Variants in NLK observed in about 807,000 individuals in gnomAD.
The protein encoded by NLK is nemo like kinase.
In NLK, 11 loss-of-function variants were observed where a neutral mutation model predicts 59.0. The ratio of observed to expected loss-of-function variants is 0.19; its 90% CI spans 0.12 to 0.31. The LOEUF is 0.31. Ranked by LOEUF, NLK falls within the 10% of genes least tolerant of loss-of-function variation. The pLI, the probability that NLK is intolerant of heterozygous loss-of-function variation, is 1.00. For synonymous variants in NLK, 235 were observed against 235.9 expected, an observed-to-expected ratio of 1.00 and a Z score of 0.03; for missense variants, 410 against 661.1, an observed-to-expected ratio of 0.62 and a Z score of 4.16.
At chr17:28,146,036 T>G (rs1018929954) in intron 3 of NLK, among the ~76,000 whole-genome samples, 3 of 152,216 alleles carry the variant, frequency 2.0e-5, no homozygotes, top group Non-Finnish European at 4.4e-5. Flanking sequence ...GTTGCCAGTT[T>G]CTTTGTTCCT....
Position 28,042,962 on chromosome 17 carries a change from A to G in NLK, c.89A>G (p.His30Arg). The G allele has an allele frequency of 6.4e-7, 1 of 1,551,888 alleles. No homozygotes were observed. The highest frequency in any genetic ancestry group is 8.7e-7 in the Non-Finnish European group (1 of 1,147,730). ...GCAGCAGCAGCAGGTCACCACCACC[A>G]CCATCACCACCACCTTCCACACCTC... ...TSAAAAGHHHHHHHHLPHLPP... is the reference protein window; with the variant it reads ...TSAAAAGHHHRHHHHLPHLPP... The change falls in exon 1 of 11, where the codon CAC becomes CGC. Residue 30 changes from histidine to arginine, a missense_variant. His to Arg is a conservative substitution (Grantham distance 29). This residue lies in a region of NLK where 160 missense variants were observed against 171.0 expected (regional missense o/e 0.94). Transcript: ENST00000407008.
intron 1 of NLK, among the ~76,000 whole-genome samples, chr17:28,073,328 C>T (rs1910068491): frequency 6.6e-6 from 1 of 152,190 alleles, no homozygotes; most frequent in South Asian, 2.1e-4. Context: ...AATCCAGTCT[C>T]CTGGGAAGGG....
At chr17:28,135,443 C>G (rs1169898830) in intron 3 of NLK, among the ~76,000 whole-genome samples, 1 of 152,184 alleles carries the variant, frequency 6.6e-6, no homozygotes, top group African/African-American at 2.4e-5. Context: ...GCCCAAGGCC[C>G]CAGACAAAGA....
At chr17:28,079,579 G>A (rs1210513466) in intron 1 of NLK, among the ~76,000 whole-genome samples, 1 of 151,978 alleles carries the variant, frequency 6.6e-6, no homozygotes, top group Non-Finnish European at 1.5e-5. Flanking sequence ...ACCTCATTGT[G>A]GTTTTCATTT....
intron 1 of NLK, chr17:28,116,333 G>T: frequency 5.0e-6 from 1 of 201,782 alleles, no homozygotes; most frequent in Admixed American, 4.4e-5. Flanking sequence ...ATGCTGGTTT[G>T]AGCAGACGCA....
At position 28,042,762 on chromosome 17, in the gene NLK, G is replaced by T; in HGVS notation, c.-112G>T. 1.0e-6 allele frequency: 1 copy of T among 959,850 alleles called. No individual in the cohort carries two copies. The highest frequency in any genetic ancestry group is 1.9e-5 in the South Asian group (1 of 53,160). 59.5% of individuals were successfully genotyped at this position (959,850 alleles called of 1,614,324 possible). A position where few individuals can be genotyped will look rare whatever the true frequency, so the allele number is the denominator to read the frequency against. On this transcript the variant is annotated 5_prime_UTR_variant, in exon 1 of 11. Coordinates refer to ENST00000407008, the MANE Select transcript of NLK (RefSeq NM_016231.5). ...TAACTTGTTTGGATTGACTGATGAA[G>T]ACATAAAGCTCTATGTTTTTTGAGG...
chr17:28,183,743 T>C (rs1909006140), intron 7 of NLK, among the ~76,000 whole-genome samples: 13 of 152,092 alleles, frequency 8.5e-5, no homozygotes, highest in Admixed American at 8.5e-4. Flanking sequence ...ATTAGGAAAA[T>C]CATTTACCCC....
chr17:28,101,002 G>A (rs570678251), intron 1 of NLK, among the ~76,000 whole-genome samples: 7 of 152,098 alleles, frequency 4.6e-5, no homozygotes, highest in African/African-American at 1.7e-4. Flanking sequence ...TCTCCATGTG[G>A]ATATCCTATT....
intron 2 of NLK, among the ~76,000 whole-genome samples, chr17:28,125,664 G>T (rs1480810654): frequency 6.6e-6 from 1 of 151,894 alleles, no homozygotes; most frequent in Non-Finnish European, 1.5e-5. Flanking sequence ...AGGATCTCAG[G>T]GCCAGCATAA....
At chr17:28,110,883 C>T (rs867947116) in intron 1 of NLK, among the ~76,000 whole-genome samples, 4 of 151,106 alleles carry the variant, frequency 2.6e-5, no homozygotes, top group East Asian at 1.9e-4. Flanking sequence ...CTCGCTCTGT[C>T]GCCCAGGCTG....
At chr17:28,066,986 C>T (rs946213268) in intron 1 of NLK, among the ~76,000 whole-genome samples, 1 of 152,062 alleles carries the variant, frequency 6.6e-6, no homozygotes, top group African/African-American at 2.4e-5. Context: ...TTACATATTC[C>T]GGATATAAAT....
At chr17:28,146,859 C>T (rs1907276844) in intron 3 of NLK, among the ~76,000 whole-genome samples, 1 of 152,104 alleles carries the variant, frequency 6.6e-6, no homozygotes, top group African/African-American at 2.4e-5. Context: ...AATTTCTTTA[C>T]CTCTCTAAAC....
intron 5 of NLK, among the ~76,000 whole-genome samples, chr17:28,163,895 TA>T (rs879719482): frequency 6.6e-6 from 1 of 152,210 alleles, no homozygotes; most frequent in Non-Finnish European, 1.5e-5. Flanking sequence ...GTGACTCCTT[TA>T]CAGCTTGTTC....
chr17:28,125,058 A>C (rs967748077), intron 2 of NLK, among the ~76,000 whole-genome samples: 2 of 152,026 alleles, frequency 1.3e-5, no homozygotes, highest in African/African-American at 4.8e-5. Flanking sequence ...AAAAAAAAAG[A>C]CAAAAAAGAA....
At chr17:28,169,632 G>T (rs1908381078) in intron 6 of NLK, among the ~76,000 whole-genome samples, 1 of 152,000 alleles carries the variant, frequency 6.6e-6, no homozygotes, top group Non-Finnish European at 1.5e-5. Context: ...AATCAGATTG[G>T]TGGGTTCAAA....
intron 3 of NLK, among the ~76,000 whole-genome samples, chr17:28,147,239 C>T (rs1391566094): frequency 6.6e-6 from 1 of 152,078 alleles, no homozygotes; most frequent in African/African-American, 2.4e-5. Flanking sequence ...TGGCACCAGT[C>T]CTGAAGGCTC....
intron 3 of NLK, among the ~76,000 whole-genome samples, chr17:28,149,303 A>G (rs556084245): frequency 3.9e-5 from 6 of 152,272 alleles, no homozygotes; most frequent in East Asian, 1.9e-4. Context: ...GCCGTAAGCA[A>G]TCTTCCTGCC....
chr17:28,104,695 G>A (rs1905017983), intron 1 of NLK, among the ~76,000 whole-genome samples: 1 of 152,044 alleles, frequency 6.6e-6, no homozygotes, highest in South Asian at 2.1e-4. Flanking sequence ...GCAGAGCAAG[G>A]CTCTCAAGAG....
chr17:28,119,390 A>G (rs1255685494), intron 1 of NLK, among the ~76,000 whole-genome samples: 1 of 152,220 alleles, frequency 6.6e-6, no homozygotes, highest in Non-Finnish European at 1.5e-5. Context: ...ATTACAAGAC[A>G]TAGTACTCAC....
Sources: gnomAD v4.1 joint callset for allele counts (sites outside exome capture counted in the v4.1 genomes callset) on GRCh38, gnomAD v4.1.1 for gene constraint, gnomAD v4.1.1 regional missense constraint, MANE v1.5 for transcripts, NCBI Gene and HGNC (gene_info 2026-07-23, HGNC 2026-07-21) for gene names.